DNAI4: variants seen among roughly 807,000 people sequenced by gnomAD.
The protein encoded by DNAI4 is WD repeat domain 78.
Under a neutral mutation model 105.8 loss-of-function variants are expected in DNAI4, and 85 were observed. That is an observed-to-expected ratio of 0.80 (90% confidence interval 0.67 to 0.96). The LOEUF is 0.96. Ranked by LOEUF, DNAI4 falls within the 40% of genes least tolerant of loss-of-function variation. The pLI is 0.00. For synonymous variants in DNAI4, 352 were observed against 331.5 expected (o/e 1.06, Z -0.67); for missense variants, 1,014 against 1,005.6 (o/e 1.01, Z -0.11).
Position 66,840,618 on chromosome 1 carries a change from C to T in DNAI4, c.1345G>A (p.Val449Ile). ...DVLESAKHEE[V>I]EEESKKEEEE... ...TCCTCCTTCTTAGATTCTTCCTCTA[C>T]CTCTTCATGTTTTGCACTTTCTAAA... Residue 449 changes from valine to isoleucine, a missense_variant, in exon 9 of 17, where the codon GTA becomes ATA. Val to Ile is a conservative substitution (Grantham distance 29). Transcript: ENST00000371026. 6.2e-7 allele frequency: 1 copy of T among 1,614,160 alleles called. No individual in the cohort carries two copies. Among genetic ancestry groups the T allele is most frequent in the Non-Finnish European group, 8.5e-7 (1 of 1,180,000 alleles).
chr1:66,834,032 C>T lies in DNAI4; in HGVS notation c.1850G>A (p.Arg617Lys). 6.2e-7 allele frequency: 1 copy of T among 1,610,750 alleles called. No individual in the cohort carries two copies. Among genetic ancestry groups the T allele is most frequent in the Non-Finnish European group, 8.5e-7 (1 of 1,178,840 alleles). ...TTTTCGTATAACCCATTTGGAGATT[C>T]TTCCATCTGCTGATATAGAAACTAG... is the stretch of plus-strand genomic sequence containing the variant. ...EILVSISADGRISKWVIRKGL... is the reference protein window; with the variant it reads ...EILVSISADGKISKWVIRKGL... Residue 617 changes from arginine (R) to lysine (K), a missense_variant, in exon 12 of 17, where the codon AGA becomes AAA. By Grantham distance (26) the Arg-to-Lys change is conservative. Transcript: ENST00000371026.
intron 7 of DNAI4, among the ~76,000 whole-genome samples, chr1:66,852,636 T>C (rs1162727497): frequency 1.3e-5 from 2 of 151,948 alleles, no homozygotes. Context: ...TATCAATCAA[T>C]GCAGAAAAAT....
intron 7 of DNAI4, among the ~76,000 whole-genome samples, chr1:66,853,452 C>G (rs940196814): frequency 5.3e-5 from 8 of 152,166 alleles, no homozygotes; most frequent in Admixed American, 5.2e-4. Context: ...AACCACATAG[C>G]AAAGGGAAGT....
chr1:66,905,085 A>G (rs1649137433), intron 2 of DNAI4, 116 bp downstream of exon 2: 1 of 823,710 alleles, frequency 1.2e-6, no homozygotes. Context: ...TAACAAAATC[A>G]GTATTTCAAA....
intron 13 of DNAI4, among the ~76,000 whole-genome samples, chr1:66,833,345 C>T (rs1387306077): frequency 2.0e-5 from 3 of 152,096 alleles, no homozygotes; most frequent in African/African-American, 7.2e-5. Context: ...AGAACAGTTT[C>T]ATCATCCCCC....
chr1:66,919,928 C>T (rs1028344402), intron 1 of DNAI4, among the ~76,000 whole-genome samples: 2 of 152,216 alleles, frequency 1.3e-5, no homozygotes, highest in South Asian at 2.1e-4. Flanking sequence ...TTCCCCTCCC[C>T]CTACATCTTC....
At chr1:66,866,946 C>A (rs1243975090) in intron 6 of DNAI4, among the ~76,000 whole-genome samples, 1 of 152,132 alleles carries the variant, frequency 6.6e-6, no homozygotes, top group Non-Finnish European at 1.5e-5. Context: ...GTATGTCTTG[C>A]ATGGCAGCAG....
chr1:66,903,301 G>A (rs1421580072), intron 2 of DNAI4, among the ~76,000 whole-genome samples: 3 of 152,016 alleles, frequency 2.0e-5, no homozygotes, highest in Admixed American at 6.6e-5. Flanking sequence ...TGATGCTATT[G>A]TAAATGCAAT....
intron 15 of DNAI4, among the ~76,000 whole-genome samples, chr1:66,825,959 C>T (rs1017185928): frequency 1.3e-5 from 2 of 152,092 alleles, no homozygotes; most frequent in African/African-American, 4.8e-5. Flanking sequence ...AAAGCAGAAC[C>T]ATTAACGTTT....
chr1:66,890,698 AG>A lies in DNAI4; in HGVS notation c.643+455del. The A allele has an allele frequency of 4.6e-6, 1 of 219,148 alleles. No individual in the cohort carries two copies. The allele number at this position is 219,148 out of a possible 1,614,324, so 13.6% of individuals were successfully genotyped here. Reference sequence around the variant, plus strand: ...AGGAAGAGGAGGAAGAGGAAGAAGAAGAAGGAGAGGAGGGGGAGGAGGAGGA... The same window carrying A: ...AGGAAGAGGAGGAAGAGGAAGAAGAAAAGGAGAGGAGGGGGAGGAGGAGGA... On this transcript the variant is annotated intron_variant, in intron 4 of 16. Transcript: ENST00000371026. The surrounding 1 kb of genome is among the most constrained non-coding windows in gnomAD (Gnocchi z 4.1).
At chr1:66,880,761 G>C (rs2991353) in intron 4 of DNAI4, among the ~76,000 whole-genome samples, 22,221 of 152,166 alleles carry the variant, frequency 0.15, 1,851 homozygotes, top group African/African-American at 0.23. Flanking sequence ...CAGAAATGTG[G>C]ATAAGTAATG....
intron 3 of DNAI4, 74 bp from the exon 4 acceptor site, chr1:66,891,340 A>G (rs1647627651): frequency 2.1e-6 from 2 of 967,122 alleles, no homozygotes; most frequent in African/African-American, 3.3e-5. Context: ...AAATTAGAAC[A>G]TATTATCAGA....
Position 66,814,067 on chromosome 1 carries a change from C to A in DNAI4, c.*63G>T. On this transcript the variant is annotated 3_prime_UTR_variant, in exon 17 of 17. Coordinates refer to ENST00000371026, the MANE Select transcript of DNAI4 (RefSeq NM_024763.5). ...AAAATCTGGTGTACAGTATGTAATACAGAATATTGGATGTTAATTCCTTTT... is the reference window on the plus strand; with the variant it reads ...AAAATCTGGTGTACAGTATGTAATAAAGAATATTGGATGTTAATTCCTTTT... 1 of 1,358,966 alleles carries A rather than the reference C, an allele frequency of 7.4e-7. No individual in the cohort carries two copies. The highest frequency in any genetic ancestry group is 1.0e-6 in the Non-Finnish European group (1 of 983,108). The allele number at this position is 1,358,966 out of a possible 1,614,324, so 84.2% of individuals were successfully genotyped here.
intron 1 of DNAI4, among the ~76,000 whole-genome samples, chr1:66,920,630 T>C (rs1445803758): frequency 6.6e-6 from 1 of 152,058 alleles, no homozygotes; most frequent in African/African-American, 2.4e-5. Context: ...GTGCTCCACC[T>C]CCCTCAAGGG....
At chr1:66,834,860 A>G (rs1303930727) in intron 11 of DNAI4, among the ~76,000 whole-genome samples, 1 of 152,120 alleles carries the variant, frequency 6.6e-6, no homozygotes, top group Non-Finnish European at 1.5e-5. Flanking sequence ...CCCAGAAACA[A>G]GCACAAAGGC....
intron 3 of DNAI4, among the ~76,000 whole-genome samples, chr1:66,892,963 AAGAAAGAAAG>A (rs1440750487): frequency 7.7e-6 from 1 of 129,458 alleles, no homozygotes; most frequent in Non-Finnish European, 1.6e-5. Context: ...GAAAGAAAGA[AAGAAAGAAAG>A]AAAGAAAGAA....
intron 3 of DNAI4, 140 bp downstream of exon 3, chr1:66,893,089 G>GAA (rs1336631023): frequency 2.4e-6 from 1 of 408,492 alleles, no homozygotes; most frequent in Non-Finnish European, 4.2e-6. Context: ...AAGAAAGAAA[G>GAA]AAAGAAAGAA....
intron 9 of DNAI4, among the ~76,000 whole-genome samples, chr1:66,838,019 A>G (rs536283721): frequency 2.6e-5 from 4 of 152,208 alleles, no homozygotes; most frequent in African/African-American, 4.8e-5. Context: ...CTGAAAGATA[A>G]GCACCTAAAA....
At chr1:66,900,205 G>A (rs141303534) in intron 2 of DNAI4, among the ~76,000 whole-genome samples, 6 of 152,058 alleles carry the variant, frequency 3.9e-5, no homozygotes, top group Non-Finnish European at 8.8e-5. Context: ...AAGTTCAAGC[G>A]ATTCTTCTGC....
Sources: allele counts gnomAD v4.1 joint callset (sites outside exome capture counted in the v4.1 genomes callset), GRCh38; gene constraint gnomAD v4.1.1; non-coding constraint Gnocchi (gnomAD v3.1); transcripts MANE v1.5; gene names NCBI Gene and HGNC (gene_info 2026-07-23, HGNC 2026-07-21).